The following PKD2L1 variants were observed in gnomAD, a reference collection of about 807,000 sequenced individuals.
PKD2L1 encodes polycystin 2 like 1, transient receptor potential cation channel, also known as polycystin-2-like protein 1.
Under a neutral mutation model 93.0 loss-of-function variants are expected in PKD2L1, and 77 were observed. The observed-to-expected ratio is 0.83, with a 90% CI of 0.69 to 1.00. The LOEUF (loss-of-function observed/expected upper bound fraction) is 1.00. PKD2L1 is among the 50% of genes least tolerant of loss of function. The pLI is 0.00. For missense variants in PKD2L1, 977 were observed against 990.9 expected (o/e 0.99, Z 0.19); for synonymous variants, 390 against 388.0 (o/e 1.01, Z -0.06).
At chr10:100,315,438 C>T (rs774342391) in intron 2 of PKD2L1, among the ~76,000 whole-genome samples, 4 of 152,102 alleles carry the variant, frequency 2.6e-5, no homozygotes, top group Non-Finnish European at 4.4e-5. Flanking sequence ...CCCCCTACCC[C>T]GTGACAGGCC....
intron 1 of PKD2L1, 144 bp from the exon 2 acceptor site, chr10:100,329,468 C>T: frequency 9.0e-7 from 1 of 1,114,692 alleles, no homozygotes; most frequent in Non-Finnish European, 1.3e-6. Flanking sequence ...AATCTGGCTA[C>T]TGTACCCACA....
At chr10:100,304,349 A>G (rs1234693852) in intron 2 of PKD2L1, among the ~76,000 whole-genome samples, 6 of 152,184 alleles carry the variant, frequency 3.9e-5, no homozygotes, top group Admixed American at 3.9e-4. Flanking sequence ...AATACCTCCG[A>G]TGTTCATAGT....
At chr10:100,311,125 C>A (rs543919006) in intron 2 of PKD2L1, among the ~76,000 whole-genome samples, 1 of 152,314 alleles carries the variant, frequency 6.6e-6, no homozygotes, top group East Asian at 1.9e-4. Flanking sequence ...AGAGTTAGCA[C>A]CTCCCTATTA....
rs756844053 is a variant in PKD2L1 at position 100,329,298 on chromosome 10, T to C, written c.262A>G (p.Asn88Asp). The change falls in exon 2 of 16, where the codon AAC (asparagine) becomes GAC (aspartate). Residue 88 changes from asparagine (N) to aspartate (D), a missense_variant. Physicochemically the swap from Asn to Asp is conservative, Grantham distance 23. Coordinates refer to ENST00000318222, the MANE Select transcript of PKD2L1 (RefSeq NM_016112.3). ...RGLWGTTLTENTAENRELYIK... is the reference protein window; with the variant it reads ...RGLWGTTLTEDTAENRELYIK... ...TAAAGTTCCCGGTTCTCAGCTGTGTTCTCAGTCAGGGTTGTTCCCCAAAGT... is the reference window on the plus strand; with the variant it reads ...TAAAGTTCCCGGTTCTCAGCTGTGTCCTCAGTCAGGGTTGTTCCCCAAAGT... 5 of 1,614,154 alleles carry C rather than the reference T, an allele frequency of 3.1e-6. No individual in the cohort carries two copies. In the African/African-American group the frequency reaches 4.0e-5, roughly 13 times the overall value.
intron 14 of PKD2L1, 81 bp from the exon 15 acceptor site, chr10:100,289,137 G>T (rs1304136941): frequency 2.2e-5 from 22 of 978,088 alleles, no homozygotes; most frequent in Non-Finnish European, 3.3e-5. Flanking sequence ...TGATTCCAGA[G>T]AACTCAGACT....
chr10:100,299,283 A>G (rs1387397263), intron 3 of PKD2L1, among the ~76,000 whole-genome samples: 1 of 152,038 alleles, frequency 6.6e-6, no homozygotes, highest in East Asian at 1.9e-4. Context: ...TCCATTGACC[A>G]ATGAACCTTG....
Position 100,308,990 on chromosome 10 carries a change from C to T in PKD2L1, c.350-9272G>A, listed in dbSNP as rs1039672506. ...CTCCATTCTGGTGTAAAATGAATAA[C>T]AGTATCTAAATCTGTATCAGGAACC... On this transcript the variant is annotated intron_variant, in intron 2 of 15. Coordinates refer to ENST00000318222, the MANE Select transcript of PKD2L1 (RefSeq NM_016112.3). 2.6e-5 allele frequency among the ~76,000 whole-genome samples: 4 copies of T among 152,068 alleles called. 1 individual carries two copies. The highest frequency in any genetic ancestry group is 1.3e-4 in the Admixed American group (2 of 15,266).
intron 12 of PKD2L1, 106 bp downstream of exon 12, chr10:100,291,195 T>C: frequency 8.5e-7 from 1 of 1,170,718 alleles, no homozygotes; most frequent in South Asian, 1.5e-5. Flanking sequence ...AGTTCTTTAC[T>C]ATCTATGGGA....
In PKD2L1 at chr10:100,288,268, G is replaced by C; in HGVS notation, c.*128C>G. ...CTCTGAATCCTGAGTTCATTTCCTT[G>C]CCTGATTCCCTTCAGGCTCCATTTT... On this transcript the variant is annotated 3_prime_UTR_variant, in exon 16 of 16. Coordinates refer to ENST00000318222, the MANE Select transcript of PKD2L1 (RefSeq NM_016112.3). 1.5e-6 allele frequency: 1 copy of C among 677,950 alleles called. No individual in the cohort carries two copies. The highest frequency in any genetic ancestry group is 1.8e-5 in the African/African-American group (1 of 56,200). The allele number at this position is 677,950 out of a possible 1,614,324, so 42.0% of individuals were successfully genotyped here. A position where few individuals can be genotyped will look rare whatever the true frequency, so the allele number is the denominator to read the frequency against.
chr10:100,289,183 G>T, intron 14 of PKD2L1, 127 bp from the exon 15 acceptor site: 1 of 616,546 alleles, frequency 1.6e-6, no homozygotes, highest in Middle Eastern at 4.0e-4. Flanking sequence ...AAATTCATCC[G>T]TTAAAATTGT....
intron 2 of PKD2L1, among the ~76,000 whole-genome samples, chr10:100,320,262 C>G (rs1442248903): frequency 1.3e-5 from 2 of 152,208 alleles, no homozygotes; most frequent in Non-Finnish European, 2.9e-5. Context: ...GCACAATTTA[C>G]ATTATTATTA....
At chr10:100,329,674 C>T (rs1452761279) in intron 1 of PKD2L1, among the ~76,000 whole-genome samples, 195 bp downstream of exon 1, 1 of 152,202 alleles carries the variant, frequency 6.6e-6, no homozygotes. Context: ...CAGGCTCCCA[C>T]AACCGGTAGA....
At chr10:100,295,674 A>G (rs2134380613) in intron 7 of PKD2L1, among the ~76,000 whole-genome samples, 1 of 144,048 alleles carries the variant, frequency 6.9e-6, no homozygotes, top group African/African-American at 2.6e-5. Context: ...CAGAGGTTGC[A>G]GTGAGCTGAG....
At position 100,297,192 on chromosome 10, in the gene PKD2L1, G is replaced by C; in HGVS notation, c.973C>G (p.Pro325Ala). 6.2e-7 allele frequency: 1 copy of C among 1,613,860 alleles called. No homozygotes were observed. The highest frequency in any genetic ancestry group is 8.5e-7 in the Non-Finnish European group (1 of 1,179,978). ...GATGGGATGGCACCTCCTGTAGCTG[G>C]AAACTCCACCACCAGCCTATAGGGG... ...FCVLRLVVEFPATGGAIPSWQ... is the reference protein window; with the variant it reads ...FCVLRLVVEFAATGGAIPSWQ... The change falls in exon 6 of 16, where the codon CCA becomes GCA. Residue 325 changes from proline to alanine, a missense_variant. Pro to Ala is a conservative substitution (Grantham distance 27). Transcript: ENST00000318222.
intron 2 of PKD2L1, among the ~76,000 whole-genome samples, chr10:100,313,508 T>A (rs957198255): frequency 6.6e-6 from 1 of 152,332 alleles, no homozygotes; most frequent in East Asian, 1.9e-4. Flanking sequence ...GATTTTACTA[T>A]ACAGAAGTCC....
intron 2 of PKD2L1, among the ~76,000 whole-genome samples, chr10:100,307,269 G>A (rs375113816): frequency 6.6e-6 from 1 of 152,174 alleles, no homozygotes; most frequent in African/African-American, 2.4e-5. Context: ...TAAGTAAGTT[G>A]CCCAAGGAAA....
At chr10:100,302,371 A>C (rs1166905332) in intron 2 of PKD2L1, among the ~76,000 whole-genome samples, 2 of 151,834 alleles carry the variant, frequency 1.3e-5, no homozygotes, top group African/African-American at 4.8e-5. Context: ...TTTTTTGGCC[A>C]GGAAATAAAA....
In PKD2L1 at chr10:100,295,113, T is replaced by C; in HGVS notation, c.1367A>G (p.Tyr456Cys). Residue 456 changes from tyrosine to cysteine, a missense_variant, in exon 8 of 16, where the codon TAC becomes TGC. Tyr to Cys is a radical substitution (Grantham distance 194, BLOSUM62 -2). Coordinates refer to ENST00000318222, the MANE Select transcript of PKD2L1 (RefSeq NM_016112.3). ...LFFAWIKIFK[Y>C]ISFNKTMTQL... The stretch of plus-strand genomic sequence containing the variant: ...GGTCATGGTTTTGTTGAAGCTGATG[T>C]ACTTGAATATCTGGAAGGACCATGT... 2.5e-6 allele frequency: 4 copies of C among 1,613,472 alleles called. No individual in the cohort carries two copies. Among genetic ancestry groups the C allele is most frequent in the Non-Finnish European group, 3.4e-6 (4 of 1,179,546 alleles).
intron 2 of PKD2L1, among the ~76,000 whole-genome samples, chr10:100,309,826 A>G (rs976897620): frequency 1.3e-4 from 20 of 152,196 alleles, no homozygotes; most frequent in Admixed American, 3.3e-4. Flanking sequence ...AAACTGAGTA[A>G]CAGAAACAGA....
Sources: gnomAD v4.1 joint callset for allele counts (sites outside exome capture counted in the v4.1 genomes callset) on GRCh38, gnomAD v4.1.1 for gene constraint, MANE v1.5 for transcripts, NCBI Gene and HGNC (gene_info 2026-07-23, HGNC 2026-07-21) for gene names.